ZMYM4: variants seen among roughly 807,000 people sequenced by gnomAD.
The protein encoded by ZMYM4 is zinc finger MYM-type containing 4, also known as zinc finger MYM-type protein 4.
Under a neutral mutation model 183.2 loss-of-function variants are expected in ZMYM4, and 31 were observed. The observed-to-expected ratio is 0.17, with a 90% confidence interval of 0.13 to 0.23. The LOEUF (loss-of-function observed/expected upper bound fraction) is 0.23. Ranked by LOEUF, ZMYM4 falls within the 10% of genes least tolerant of loss-of-function variation. The pLI, the probability that ZMYM4 is intolerant of heterozygous loss-of-function variation, is 1.00. For missense variants in ZMYM4, 1,273 were observed against 1,840.3 expected (o/e 0.69, Z 5.64); for synonymous variants, 592 against 631.2 (o/e 0.94, Z 0.93).
intron 1 of ZMYM4, among the ~76,000 whole-genome samples, chr1:35,319,455 C>T (rs1642194153): frequency 6.6e-6 from 1 of 151,970 alleles, no homozygotes; most frequent in Non-Finnish European, 1.5e-5. Context: ...TACCCAGTCT[C>T]TACAGAAAAT....
chr1:35,317,047 G>T (rs1348702841), intron 1 of ZMYM4, among the ~76,000 whole-genome samples: 1 of 151,848 alleles, frequency 6.6e-6, no homozygotes, highest in Non-Finnish European at 1.5e-5. Flanking sequence ...ACTTGAATCT[G>T]GGAGGTGGAG....
At chr1:35,335,828 A>C (rs941057228) in intron 2 of ZMYM4, among the ~76,000 whole-genome samples, 1 of 151,982 alleles carries the variant, frequency 6.6e-6, no homozygotes, top group Non-Finnish European at 1.5e-5. Flanking sequence ...TGGCAGGCGC[A>C]TGTAGTCCCA....
intron 2 of ZMYM4, among the ~76,000 whole-genome samples, chr1:35,338,351 G>A (rs1367436946): frequency 6.6e-6 from 1 of 152,246 alleles, no homozygotes; most frequent in Non-Finnish European, 1.5e-5. Context: ...AGTAAATACA[G>A]TTGGCCCTCT....
intron 2 of ZMYM4, among the ~76,000 whole-genome samples, chr1:35,333,082 AT>A: frequency 6.6e-6 from 1 of 152,300 alleles, no homozygotes. Flanking sequence ...TGTTGCAGCC[AT>A]TTTTGTAAAA....
At chr1:35,407,961 A>G (rs762887191) in intron 25 of ZMYM4, 47 bp from the exon 26 acceptor site, 6 of 1,610,570 alleles carry the variant, frequency 3.7e-6, no homozygotes, top group African/African-American at 1.3e-5. Flanking sequence ...CAATGCTACT[A>G]TGTTTGTTAA....
At chr1:35,404,213 T>C (rs1644963200) in intron 23 of ZMYM4, among the ~76,000 whole-genome samples, 1 of 152,042 alleles carries the variant, frequency 6.6e-6, no homozygotes, top group South Asian at 2.1e-4. Context: ...TACAGATGTA[T>C]GCCACCATGC....
intron 5 of ZMYM4, among the ~76,000 whole-genome samples, chr1:35,365,801 G>A (rs1296113522): frequency 6.6e-6 from 1 of 152,136 alleles, no homozygotes; most frequent in Non-Finnish European, 1.5e-5. Context: ...ATATTTATTA[G>A]TATTTGGCTA....
chr1:35,364,297 G>A (rs1429722838), intron 5 of ZMYM4, among the ~76,000 whole-genome samples: 1 of 152,132 alleles, frequency 6.6e-6, no homozygotes, highest in Non-Finnish European at 1.5e-5. Flanking sequence ...CACAATAAGG[G>A]ACTTGTAGTA....
At chr1:35,303,486 A>T (rs957435332) in intron 1 of ZMYM4, among the ~76,000 whole-genome samples, 1 of 151,822 alleles carries the variant, frequency 6.6e-6, no homozygotes, top group African/African-American at 2.4e-5. Context: ...GCTCACTGCA[A>T]CCTCCGCCGT....
intron 2 of ZMYM4, among the ~76,000 whole-genome samples, chr1:35,344,535 T>C (rs999737433): frequency 6.6e-6 from 1 of 152,192 alleles, no homozygotes; most frequent in African/African-American, 2.4e-5. Flanking sequence ...TTTAGTTTAC[T>C]GAAAGATATT....
At chr1:35,317,578 C>G (rs547016453) in intron 1 of ZMYM4, among the ~76,000 whole-genome samples, 3 of 152,172 alleles carry the variant, frequency 2.0e-5, no homozygotes, top group African/African-American at 7.2e-5. Flanking sequence ...TAATTACAAG[C>G]CAACCGAAGG....
Position 35,386,132 on chromosome 1 carries a change from C to T in ZMYM4, c.1779C>T (p.Ala593=), listed in dbSNP as rs776718843. ...KTSAIPQYHL[A]MSDGSIRNFC... ...CAGCAATTCCTCAGTATCACCTAGC[C>T]ATGTCAGATGGAAGTATACGCAACT... The change falls in exon 11 of 30, where the codon GCC becomes GCT. Residue 593 remains alanine, a synonymous_variant. Coordinates refer to ENST00000314607, the MANE Select transcript of ZMYM4 (RefSeq NM_005095.3). 9.9e-6 allele frequency: 16 copies of T among 1,613,882 alleles called. No homozygotes were observed. The African/African-American group carries it at 1.9e-4, about 19-fold the overall frequency.
chr1:35,283,149 G>A (rs1640275757), intron 1 of ZMYM4, among the ~76,000 whole-genome samples: 2 of 147,674 alleles, frequency 1.4e-5, no homozygotes, highest in South Asian at 4.3e-4. Context: ...GGGATTACAG[G>A]TGTGTGCCAT....
chr1:35,413,628 T>C (rs1223109612), intron 26 of ZMYM4, among the ~76,000 whole-genome samples: 1 of 143,474 alleles, frequency 7.0e-6, no homozygotes, highest in Non-Finnish European at 1.5e-5. Context: ...AGGAAAAACA[T>C]GATTTGGAAC....
intron 1 of ZMYM4, among the ~76,000 whole-genome samples, chr1:35,271,636 C>G (rs1471009930): frequency 6.6e-6 from 1 of 152,216 alleles, no homozygotes; most frequent in African/African-American, 2.4e-5. Context: ...CTCCTGACCT[C>G]TGGTGATCAG....
intron 1 of ZMYM4, among the ~76,000 whole-genome samples, chr1:35,278,345 TTCA>T (rs1639975747): frequency 6.6e-6 from 1 of 152,030 alleles, no homozygotes; most frequent in Non-Finnish European, 1.5e-5. Flanking sequence ...CCCCTAAAAC[TTCA>T]TTTACATCCC....
Position 35,321,131 on chromosome 1 carries a change from A to G in ZMYM4, c.40-4229A>G, listed in dbSNP as rs576088346. The stretch of plus-strand genomic sequence containing the variant: ...ATGGGATATGACCTCATACAGCTTC[A>G]GAAACCTGTATGGGTACTTGATTCT... On this transcript the variant is annotated intron_variant, in intron 1 of 29. Coordinates refer to ENST00000314607, the MANE Select transcript of ZMYM4 (RefSeq NM_005095.3). Among the ~76,000 whole-genome samples the G allele has an allele frequency of 1.0e-3, 154 of 152,354 alleles. 1 individual carries two copies. Among genetic ancestry groups the G allele is most frequent in the Admixed American group, 2.0e-3 (30 of 15,300 alleles).
At chr1:35,385,722 T>C (rs1351039783) in intron 10 of ZMYM4, 130 bp downstream of exon 10, 2 of 1,100,344 alleles carry the variant, frequency 1.8e-6, no homozygotes, top group African/African-American at 3.3e-5. Flanking sequence ...TTGTAAAATA[T>C]CACCTGTTAC....
In ZMYM4 at chr1:35,361,696, T is replaced by C; in HGVS notation, c.747T>C (p.Ile249=). The change falls in exon 5 of 30, where the codon ATT becomes ATC. Residue 249 remains isoleucine, a synonymous_variant. Transcript: ENST00000314607. ...LGNSFASNIR[I]KEEPLDDEYD... ...ATTCCTTTGCATCAAATATTAGAAT[T>C]AAAGAAGAACCTTTGGATGATGAGT... 1.9e-6 allele frequency: 3 copies of C among 1,613,850 alleles called. No homozygotes were observed. The highest frequency in any genetic ancestry group is 2.5e-6 in the Non-Finnish European group (3 of 1,179,830).
Sources: allele counts gnomAD v4.1 joint callset (sites outside exome capture counted in the v4.1 genomes callset), GRCh38; gene constraint gnomAD v4.1.1; transcripts MANE v1.5; gene names NCBI Gene and HGNC (gene_info 2026-07-23, HGNC 2026-07-21).